BIRC6: variants seen among roughly 807,000 people sequenced by gnomAD.
BIRC6 encodes dual E2 ubiquitin-conjugating enzyme/E3 ubiquitin-protein ligase BIRC6.
BIRC6 carries 98 observed loss-of-function variants against 503.3 expected under a neutral mutation model. The observed-to-expected ratio is 0.19, with a 90% CI of 0.17 to 0.23. BIRC6 has a LOEUF of 0.23. Among genes scored for constraint, BIRC6 ranks in the 10% least tolerant of loss-of-function variants. The probability of loss-of-function intolerance (pLI) is 1.00; values close to 1 mark genes in which losing one functional copy is unlikely to be tolerated. For missense variants in BIRC6, 5,360 were observed against 5,806.0 expected (o/e 0.92, Z 2.50); for synonymous variants, 2,240 against 2,078.7 (o/e 1.08, Z -2.11).
chr2:32,408,401 C>T (rs764083192), intron 9 of BIRC6, among the ~76,000 whole-genome samples: 45 of 152,044 alleles, frequency 3.0e-4, no homozygotes, highest in Non-Finnish European at 3.7e-4. Flanking sequence ...TGAGCCACTG[C>T]GCCCGGCCAA....
intron 69 of BIRC6, among the ~76,000 whole-genome samples, chr2:32,599,017 A>T: frequency 1.0e-5 from 1 of 100,466 alleles, no homozygotes; most frequent in South Asian, 3.1e-4. Context: ...GTGAAACTCC[A>T]TCTCAAAAAA....
At chr2:32,610,067 C>T (rs77642244) in intron 72 of BIRC6, among the ~76,000 whole-genome samples, 5,277 of 152,250 alleles carry the variant, frequency 0.035, 140 homozygotes, top group African/African-American at 0.074. Flanking sequence ...GTTGTTACCA[C>T]TGTTCTTCAT....
At chr2:32,607,928 C>T (rs1305994663) in intron 72 of BIRC6, among the ~76,000 whole-genome samples, 4 of 130,418 alleles carry the variant, frequency 3.1e-5, no homozygotes, top group African/African-American at 5.9e-5. Context: ...GCTGAGACTG[C>T]ACCACTGCAC....
At chr2:32,534,730 CAAAAAAAAA>C (rs770672789) in intron 61 of BIRC6, among the ~76,000 whole-genome samples, 16 of 22,322 alleles carry the variant, frequency 7.2e-4, no homozygotes, top group African/African-American at 1.8e-3. Context: ...GACTCTGTCT[CAAAAAAAAA>C]AAAAAAAAAA....
At chr2:32,399,123 T>A (rs1487493267) in intron 6 of BIRC6, among the ~76,000 whole-genome samples, 1 of 152,232 alleles carries the variant, frequency 6.6e-6, no homozygotes, top group Non-Finnish European at 1.5e-5. Context: ...TCTTACTTTG[T>A]TGCCCAGGCT....
chr2:32,543,471 A>G lies in BIRC6; in HGVS notation c.12522A>G (p.Leu4174=), dbSNP rs146143546. The change falls in exon 62 of 74, where the codon CTA becomes CTG. Residue 4174 remains leucine (L), a synonymous_variant. Transcript: ENST00000421745. The part of the protein sequence containing the change: ...FLRLPGYAEV[L]LKERKHAQCL... The stretch of plus-strand genomic sequence containing the variant: ...GTCTTCCGGGCTATGCGGAAGTGCT[A>G]CTGAAAGAGAGAAAACATGCCCAGT... 1 of 1,614,030 alleles carries G rather than the reference A, an allele frequency of 6.2e-7. No individual in the cohort carries two copies. Among genetic ancestry groups the G allele is most frequent in the East Asian group, 2.2e-5 (1 of 44,884 alleles).
At chr2:32,572,290 AATT>A (rs2059966760) in intron 65 of BIRC6, among the ~76,000 whole-genome samples, 1 of 152,142 alleles carries the variant, frequency 6.6e-6, no homozygotes, top group African/African-American at 2.4e-5. Context: ...TTTCTGTCTC[AATT>A]ATCTTTCTAG....
rs770444088 is a variant in BIRC6, at chr2:32,575,277, GGAA to G, written c.13273_13275del (p.Glu4425del). 2.9e-5 allele frequency: 46 copies of G among 1,613,988 alleles called. No individual in the cohort carries two copies. The highest frequency in any genetic ancestry group is 2.7e-4 in the Admixed American group (16 of 60,020). On this transcript the variant is annotated inframe_deletion, in exon 66 of 74. Transcript: ENST00000421745. ...CCCTTTCTACAGAGAACGGTGAAGA[GGAA>G]GAAGAACAGTCAGAATGTCAAACTT... is the stretch of plus-strand genomic sequence containing the variant.
At chr2:32,377,495 T>G in intron 1 of BIRC6, 93 bp from the exon 2 acceptor site, 1 of 1,011,180 alleles carries the variant, frequency 9.9e-7, no homozygotes, top group Non-Finnish European at 1.4e-6. Flanking sequence ...CAATTCAGGA[T>G]AATATATTGT....
intron 4 of BIRC6, among the ~76,000 whole-genome samples, 165 bp from the exon 5 acceptor site, chr2:32,391,874 C>T (rs1271138304): frequency 6.6e-6 from 1 of 152,210 alleles, no homozygotes; most frequent in Non-Finnish European, 1.5e-5. Context: ...AGGGAAATTC[C>T]CAAAAATTAC....
At position 32,489,322 on chromosome 2, in the gene BIRC6, A is replaced by G. The variant is rs770784382; in HGVS notation, c.8095+608A>G. On this transcript the variant is annotated intron_variant, in intron 42 of 73. Coordinates refer to ENST00000421745, the MANE Select transcript of BIRC6 (RefSeq NM_016252.4). ...TGGGTCTTACATGGTGTATTTTCCAATGTGAGTGCCAGCTCCACTGAGTCA... is the reference window on the plus strand; with the variant it reads ...TGGGTCTTACATGGTGTATTTTCCAGTGTGAGTGCCAGCTCCACTGAGTCA... 4.6e-5 allele frequency among the ~76,000 whole-genome samples: 7 copies of G among 152,032 alleles called. No homozygotes were observed. The East Asian group carries it at 1.3e-3, about 29-fold the overall frequency.
At position 32,543,494 on chromosome 2, in the gene BIRC6, A is replaced by G; in HGVS notation, c.12545A>G (p.Gln4182Arg). 1 of 1,614,026 alleles carries G rather than the reference A, an allele frequency of 6.2e-7. No individual in the cohort carries two copies. Among genetic ancestry groups the G allele is most frequent in the Non-Finnish European group, 8.5e-7 (1 of 1,179,892 alleles). Residue 4182 changes from glutamine to arginine, a missense_variant, in exon 62 of 74, where the codon CAG becomes CGG. Transcript: ENST00000421745. ...CTACTGAAAGAGAGAAAACATGCCCAGTGCCTTCTTCGATTGGTATTGGGA... is the reference window on the plus strand; with the variant it reads ...CTACTGAAAGAGAGAAAACATGCCCGGTGCCTTCTTCGATTGGTATTGGGA... ...EVLLKERKHA[Q>R]CLLRLVLGVT...
In BIRC6 at chr2:32,531,372, G is replaced by T; in HGVS notation, c.12112G>T (p.Ala4038Ser). ...HPEKDHGDLL[A>S]SCPEDEALTP... ...TTGTCTAGATCATGGAGACTTACTT[G>T]CTAGCTGTCCAGAAGATGAGGCTCT... The change falls in exon 61 of 74, where the codon GCT becomes TCT. Residue 4038 changes from alanine to serine, a missense_variant. By Grantham distance (99) the Ala-to-Ser change is moderately conservative (BLOSUM62 1). Coordinates refer to ENST00000421745, the MANE Select transcript of BIRC6 (RefSeq NM_016252.4). 6 of 1,611,498 alleles carry T rather than the reference G, an allele frequency of 3.7e-6. No homozygotes were observed. The highest frequency in any genetic ancestry group is 5.1e-6 in the Non-Finnish European group (6 of 1,178,486).
intron 71 of BIRC6, among the ~76,000 whole-genome samples, chr2:32,605,485 A>C (rs1420036766): frequency 1.3e-5 from 2 of 152,212 alleles, no homozygotes; most frequent in African/African-American, 2.4e-5. Flanking sequence ...TACTTATATT[A>C]ACAGAAGAGG....
chr2:32,364,388 C>T (rs1013351337), intron 1 of BIRC6, among the ~76,000 whole-genome samples: 7 of 152,062 alleles, frequency 4.6e-5, no homozygotes, highest in Non-Finnish European at 7.4e-5. Flanking sequence ...TACAGGTGTG[C>T]GCCACCATGC....
At chr2:32,388,433 C>T (rs1243158448) in intron 3 of BIRC6, among the ~76,000 whole-genome samples, 4 of 151,752 alleles carry the variant, frequency 2.6e-5, no homozygotes, top group African/African-American at 9.7e-5. Context: ...CTGCAGTCAC[C>T]AGATCACTAA....
intron 55 of BIRC6, among the ~76,000 whole-genome samples, chr2:32,517,374 GAA>G (rs1244543396): frequency 6.6e-6 from 1 of 152,040 alleles, no homozygotes; most frequent in Non-Finnish European, 1.5e-5. Flanking sequence ...AGGAAGAAGA[GAA>G]AGATATTTAA....
At chr2:32,511,202 T>TTTTTTTTTTTTTTTTTTTTTTTTTTA (rs2054382426) in intron 53 of BIRC6, among the ~76,000 whole-genome samples, 1 of 24,690 alleles carries the variant, frequency 4.1e-5, no homozygotes, top group African/African-American at 2.1e-4. Context: ...TTTTCTTTTC[T>TTTTTTTTTTTTTTTTTTTTTTTTTTA]TTTTTTTTTT....
intron 22 of BIRC6, among the ~76,000 whole-genome samples, chr2:32,452,325 GT>G (rs1416428988): frequency 6.6e-6 from 1 of 151,944 alleles, no homozygotes; most frequent in African/African-American, 2.4e-5. Flanking sequence ...TCAGAAAACA[GT>G]TATTTTTCAT....
Sources: allele counts gnomAD v4.1 joint callset (sites outside exome capture counted in the v4.1 genomes callset), GRCh38; gene constraint gnomAD v4.1.1; transcripts MANE v1.5; gene names NCBI Gene and HGNC (gene_info 2026-07-23, HGNC 2026-07-21).